Variants in MAGI1 observed in about 807,000 individuals in gnomAD.
MAGI1 encodes membrane-associated guanylate kinase, WW and PDZ domain-containing protein 1.
Under a neutral mutation model 139.9 loss-of-function variants are expected in MAGI1, and 58 were observed. The observed-to-expected ratio is 0.41, with a 90% CI of 0.34 to 0.52. The LOEUF is 0.52. Ranked by LOEUF, MAGI1 falls within the 20% of genes least tolerant of loss-of-function variation. MAGI1 has a pLI of 0.12. For synonymous variants in MAGI1, 812 were observed against 737.9 expected, an observed-to-expected ratio of 1.10 and a Z score of -1.63; for missense variants, 1,874 against 1,901.6, an observed-to-expected ratio of 0.99 and a Z score of 0.27.
intron 1 of MAGI1, among the ~76,000 whole-genome samples, chr3:65,977,487 G>A (rs2065323684): frequency 6.6e-6 from 1 of 152,140 alleles, no homozygotes; most frequent in African/African-American, 2.4e-5. Flanking sequence ...AAGGCAGGTG[G>A]ATCACCTGAG....
intron 1 of MAGI1, among the ~76,000 whole-genome samples, chr3:65,851,040 G>T (rs2059184247): frequency 6.6e-6 from 1 of 152,136 alleles, no homozygotes; most frequent in Non-Finnish European, 1.5e-5. Flanking sequence ...CGGGGAGGCA[G>T]AAGTTGCAGT....
intron 12 of MAGI1, among the ~76,000 whole-genome samples, chr3:65,420,397 G>A (rs996069713): frequency 1.3e-5 from 2 of 152,018 alleles, no homozygotes; most frequent in Middle Eastern, 3.4e-3. Flanking sequence ...TCACTGCCAG[G>A]CCTGCCACAC....
chr3:65,383,441 G>A, intron 15 of MAGI1, 91 bp downstream of exon 15: 2 of 915,350 alleles, frequency 2.2e-6, no homozygotes, highest in Non-Finnish European at 3.6e-6. Flanking sequence ...GCATCTAGCT[G>A]GACTTAAATC....
intron 12 of MAGI1, among the ~76,000 whole-genome samples, chr3:65,422,349 G>GC (rs1241415384): frequency 6.6e-6 from 1 of 152,180 alleles, no homozygotes; most frequent in Non-Finnish European, 1.5e-5. Flanking sequence ...AATGAACAAT[G>GC]CATCTACTAG....
At chr3:66,016,366 T>A (rs1445468270) in intron 1 of MAGI1, among the ~76,000 whole-genome samples, 5 of 152,140 alleles carry the variant, frequency 3.3e-5, no homozygotes, top group Admixed American at 6.5e-5. Flanking sequence ...CAGGACCAGA[T>A]TTGAACCCGG....
At chr3:65,861,925 T>C (rs1241479688) in intron 1 of MAGI1, among the ~76,000 whole-genome samples, 2 of 152,216 alleles carry the variant, frequency 1.3e-5, no homozygotes, top group Non-Finnish European at 2.9e-5. Context: ...TCACGCATCA[T>C]AAGATGGCAG....
intron 1 of MAGI1, among the ~76,000 whole-genome samples, chr3:66,018,651 A>G (rs2067798666): frequency 6.6e-6 from 1 of 152,190 alleles, no homozygotes; most frequent in Non-Finnish European, 1.5e-5. Flanking sequence ...GACTTGGTAC[A>G]GCCTTTGGTG....
chr3:65,822,511 G>C (rs1337983554), intron 1 of MAGI1, among the ~76,000 whole-genome samples: 1 of 152,114 alleles, frequency 6.6e-6, no homozygotes, highest in Admixed American at 6.6e-5. Context: ...CTGGGCAACA[G>C]AGCGAGACTC....
chr3:65,490,825 C>A (rs938430228), intron 3 of MAGI1, among the ~76,000 whole-genome samples: 3 of 110,618 alleles, frequency 2.7e-5, no homozygotes, highest in Non-Finnish European at 5.0e-5. Flanking sequence ...GCCTGGGCGA[C>A]AGAGCGAGAC....
At chr3:65,546,616 G>C (rs2079520526) in intron 2 of MAGI1, among the ~76,000 whole-genome samples, 2 of 152,136 alleles carry the variant, frequency 1.3e-5, no homozygotes, top group African/African-American at 4.8e-5. Flanking sequence ...ATTCATTCTA[G>C]AATTGTTTAA....
At chr3:65,473,748 A>T (rs1460014379) in intron 4 of MAGI1, among the ~76,000 whole-genome samples, 1 of 77,042 alleles carries the variant, frequency 1.3e-5, no homozygotes, top group Admixed American at 1.6e-4. Context: ...TCCTGGAGGA[A>T]AAAAAAAAAT....
At chr3:65,873,234 G>A (rs1260837782) in intron 1 of MAGI1, 1 of 152,146 alleles carries the variant, frequency 6.6e-6, no homozygotes, top group Non-Finnish European at 1.5e-5. Flanking sequence ...GAAGGAGAAG[G>A]AGTAGATCAG....
chr3:65,359,208 AAG>A, intron 22 of MAGI1: 2 of 1,601,542 alleles, frequency 1.2e-6, no homozygotes, highest in South Asian at 1.1e-5. Context: ...GAAAGAGAGA[AAG>A]AGAAAAAGTT....
intron 2 of MAGI1, among the ~76,000 whole-genome samples, chr3:65,494,573 TTAC>T (rs1952285703): frequency 6.6e-6 from 1 of 152,218 alleles, no homozygotes; most frequent in East Asian, 1.9e-4. Flanking sequence ...ACTTCTGCTG[TTAC>T]ATTCAACAGA....
At chr3:65,922,710 G>C (rs2062269051) in intron 1 of MAGI1, among the ~76,000 whole-genome samples, 1 of 152,168 alleles carries the variant, frequency 6.6e-6, no homozygotes. Context: ...CCTGAGAGGA[G>C]AACACGATGA....
chr3:65,518,347 A>G (rs751347337), intron 2 of MAGI1, among the ~76,000 whole-genome samples: 2 of 152,224 alleles, frequency 1.3e-5, no homozygotes, highest in Non-Finnish European at 2.9e-5. Flanking sequence ...TATTAACATC[A>G]TAAGAATTAG....
intron 1 of MAGI1, among the ~76,000 whole-genome samples, chr3:66,017,540 A>T (rs1241651836): frequency 6.6e-6 from 1 of 152,210 alleles, no homozygotes; most frequent in Non-Finnish European, 1.5e-5. Context: ...AGCTAGAGGA[A>T]ACCCACCGCT....
intron 1 of MAGI1, among the ~76,000 whole-genome samples, chr3:65,791,929 T>A (rs1240412820): frequency 6.6e-6 from 1 of 152,092 alleles, no homozygotes; most frequent in East Asian, 1.9e-4. Flanking sequence ...CCCATCCAAA[T>A]CCTTTTACAC....
At chr3:65,887,382 G>A in intron 1 of MAGI1, among the ~76,000 whole-genome samples, 2 of 94,378 alleles carry the variant, frequency 2.1e-5, no homozygotes, top group African/African-American at 4.3e-5. Context: ...ACAGCAGACT[G>A]ATACCAGAAA....
Sources: allele counts gnomAD v4.1 joint callset (sites outside exome capture counted in the v4.1 genomes callset), GRCh38; gene constraint gnomAD v4.1.1; transcripts MANE v1.5; gene names NCBI Gene and HGNC (gene_info 2026-07-23, HGNC 2026-07-21).